Variants in SHPRH observed in about 807,000 individuals in gnomAD.
SHPRH encodes the protein E3 ubiquitin-protein ligase SHPRH.
In SHPRH, 106 loss-of-function variants were observed where a neutral mutation model predicts 202.5. The observed-to-expected ratio is 0.52, with a 90% CI of 0.45 to 0.62. SHPRH has a LOEUF of 0.62. SHPRH is among the 20% of genes least tolerant of loss of function. The probability of loss-of-function intolerance (pLI) is 0.00; values close to 1 mark genes in which losing one functional copy is unlikely to be tolerated. For synonymous variants in SHPRH, 729 were observed against 686.0 expected (o/e 1.06, Z -0.98); for missense variants, 1,710 against 2,020.0 (o/e 0.85, Z 2.94).
At chr6:145,962,717 C>A (rs180672389) in intron 1 of SHPRH, among the ~76,000 whole-genome samples, 3 of 151,932 alleles carry the variant, frequency 2.0e-5, no homozygotes, top group Admixed American at 2.0e-4. Context: ...CTATTAAGGG[C>A]AAAAAGGATT....
downstream of SHPRH, among the ~76,000 whole-genome samples, chr6:145,863,907 A>G (rs1779660735): frequency 6.6e-6 from 1 of 152,254 alleles, no homozygotes; most frequent in Non-Finnish European, 1.5e-5. Context: ...ATGATTATTC[A>G]TAGTGTATTA....
chr6:145,958,479 T>A (rs991023604), intron 1 of SHPRH, among the ~76,000 whole-genome samples: 1 of 151,758 alleles, frequency 6.6e-6, no homozygotes, highest in African/African-American at 2.4e-5. Flanking sequence ...AGAAGGAAAA[T>A]ATGAATAGAC....
At chr6:145,941,136 A>G (rs1786727103) in intron 10 of SHPRH, among the ~76,000 whole-genome samples, 1 of 152,194 alleles carries the variant, frequency 6.6e-6, no homozygotes, top group Non-Finnish European at 1.5e-5. Context: ...TGATTCATAC[A>G]TTCAGTTCAG....
Position 145,922,637 on chromosome 6 carries a change from A to T in SHPRH, c.3719+26T>A, listed in dbSNP as rs1784520143. The T allele has an allele frequency of 1.9e-6, 3 of 1,565,952 alleles. No individual in the cohort carries two copies. In the South Asian group the frequency reaches 3.6e-5, roughly 19 times the overall value. On this transcript the variant is annotated intron_variant, in intron 19 of 29. Coordinates refer to ENST00000275233, the MANE Select transcript of SHPRH (RefSeq NM_001042683.3). ...TAGCTTAAAGAAATGGTACCATTTC[A>T]TTGTATGATTTCTTCTATTACCTAC...
chr6:145,934,335 A>G (rs1785807419), intron 13 of SHPRH, among the ~76,000 whole-genome samples: 1 of 151,856 alleles, frequency 6.6e-6, no homozygotes, highest in South Asian at 2.1e-4. Flanking sequence ...GCTTGGTGGC[A>G]CATGTCTGTA....
intron 25 of SHPRH, among the ~76,000 whole-genome samples, chr6:145,899,450 C>T (rs1782301855): frequency 6.6e-6 from 1 of 152,084 alleles, no homozygotes; most frequent in Admixed American, 6.6e-5. Flanking sequence ...AAAAAACAGT[C>T]TCTTCAATAA....
chr6:145,934,777 C>A, intron 13 of SHPRH, 130 bp downstream of exon 13: 1 of 825,144 alleles, frequency 1.2e-6, no homozygotes, highest in Admixed American at 2.6e-5. Context: ...GCTTCCATAC[C>A]AAAGAAAACC....
At chr6:145,947,797 A>G (rs767693923) in intron 5 of SHPRH, among the ~76,000 whole-genome samples, 154 bp from the exon 6 acceptor site, 4 of 152,226 alleles carry the variant, frequency 2.6e-5, no homozygotes, top group Non-Finnish European at 4.4e-5. Flanking sequence ...ACCTTAGATT[A>G]CAAACATTAG....
intron 20 of SHPRH, among the ~76,000 whole-genome samples, chr6:145,921,732 C>A (rs1161683189): frequency 6.6e-6 from 1 of 151,740 alleles, no homozygotes. Context: ...AGAATTTGGA[C>A]AGAAACATGA....
Position 145,935,179 on chromosome 6 carries a change from GA to G in SHPRH, c.2734-17del, listed in dbSNP as rs200288193. 0.045 allele frequency: 49,276 copies of G among 1,095,428 alleles called. 31 individuals carry two copies. Among genetic ancestry groups the G allele is most frequent in the East Asian group, 0.13 (3,997 of 31,930 alleles). The allele number at this position is 1,095,428 out of a possible 1,614,324, so 67.9% of individuals were successfully genotyped here. On this transcript the variant is annotated splice_polypyrimidine_tract_variant and intron_variant, in intron 12 of 29. Coordinates refer to ENST00000275233, the MANE Select transcript of SHPRH (RefSeq NM_001042683.3). ...GTATTTGGATCTGTGAAAAGGAGCA[GA>G]AAAAAAAAAAAAGATATCATCTAAA...
chr6:145,937,981 T>C (rs1188154038), intron 11 of SHPRH, among the ~76,000 whole-genome samples: 2 of 152,210 alleles, frequency 1.3e-5, no homozygotes, highest in Non-Finnish European at 2.9e-5. Context: ...TTTATCTAAG[T>C]ATTTAAGAAA....
rs764272967 is a variant in SHPRH at position 145,945,494 on chromosome 6, A to C, written c.1465T>G (p.Cys489Gly). 11 of 1,613,218 alleles carry C rather than the reference A, an allele frequency of 6.8e-6. No homozygotes were observed. Among genetic ancestry groups the C allele is most frequent in the African/African-American group, 1.3e-5 (1 of 74,868 alleles). ...TTCACGAGACCTTCAAAAATTAAAC[A>C]TTTCAGCATCCGTTTCAAAAGACTC... ...NRSLLKRMLK[C>G]LIFEGLVKQI... Residue 489 changes from cysteine (C) to glycine (G), a missense_variant, in exon 8 of 30, where the codon TGT becomes GGT. Transcript: ENST00000275233.
chr6:145,875,601 C>T (rs1435611043), intron 2 of SHPRH, among the ~76,000 whole-genome samples: 1 of 152,164 alleles, frequency 6.6e-6, no homozygotes, highest in Non-Finnish European at 1.5e-5. Flanking sequence ...AGTTGGAAGA[C>T]CATTTGATTC....
intron 3 of SHPRH, among the ~76,000 whole-genome samples, chr6:145,951,607 A>C (rs1452264836): frequency 6.6e-6 from 1 of 152,104 alleles, no homozygotes; most frequent in East Asian, 1.9e-4. Flanking sequence ...CATTCCTTCT[A>C]ATCCCGAAAC....
chr6:145,940,782 C>T lies in SHPRH; in HGVS notation c.2510G>A (p.Arg837His), dbSNP rs201908105. Residue 837 changes from arginine to histidine, a missense_variant, in exon 11 of 30, where the codon CGT becomes CAT. Physicochemically the swap from Arg to His is conservative, Grantham distance 29. Transcript: ENST00000275233. ...ACACCATCGATTAATCCCACTCAAA[C>T]GCTGGGCCATTTCTGCAGCCTGATG... ...PTVKAAEMAQ[R>H]LSGINRWCIS... The T allele has an allele frequency of 6.2e-6, 10 of 1,613,718 alleles. No individual in the cohort carries two copies. Among genetic ancestry groups the T allele is most frequent in the East Asian group, 2.2e-5 (1 of 44,860 alleles).
chr6:145,884,887 T>C lies in SHPRH; in HGVS notation c.*1804A>G, dbSNP rs1394765415. 6.6e-6 allele frequency: 1 copy of C among 152,076 alleles called. No individual in the cohort carries two copies. The highest frequency in any genetic ancestry group is 1.5e-5 in the Non-Finnish European group (1 of 67,996). The allele number at this position is 152,076 out of a possible 1,614,324, so 9.4% of individuals were successfully genotyped here. On this transcript the variant is annotated 3_prime_UTR_variant, in exon 30 of 30. Coordinates refer to ENST00000275233, the MANE Select transcript of SHPRH (RefSeq NM_001042683.3). ...ACAGTTTTTGTCTAATACAGATAGG[T>C]TTTTTTATATATATGTAATTTGATT...
Position 145,919,347 on chromosome 6 carries a change from C to A in SHPRH, c.4152+1G>T. 1 of 1,612,378 alleles carries A rather than the reference C, an allele frequency of 6.2e-7. No homozygotes were observed. The highest frequency in any genetic ancestry group is 8.5e-7 in the Non-Finnish European group (1 of 1,178,978). On this transcript the variant is annotated splice_donor_variant, in intron 22 of 29. Coordinates refer to ENST00000275233, the MANE Select transcript of SHPRH (RefSeq NM_001042683.3). LOFTEE classifies it high-confidence loss of function. ...TTTTCTGTGATTTACTTGCCAATTA[C>A]CTCATGTGGTTCAATGATATGAAGA... is the stretch of plus-strand genomic sequence containing the variant.
chr6:145,861,114 A>C (rs1242355884), downstream of SHPRH, among the ~76,000 whole-genome samples: 1 of 152,170 alleles, frequency 6.6e-6, no homozygotes, highest in African/African-American at 2.4e-5. Context: ...GGTAAAAAAC[A>C]AAAAATAAAC....
In SHPRH at chr6:145,922,813, T is replaced by G; in HGVS notation, c.3569A>C (p.Gln1190Pro). 1 of 1,611,098 alleles carries G rather than the reference T, an allele frequency of 6.2e-7. No homozygotes were observed. The highest frequency in any genetic ancestry group is 8.5e-7 in the Non-Finnish European group (1 of 1,178,262). The change falls in exon 19 of 30, where the codon CAG becomes CCG. Residue 1190 changes from glutamine (Q) to proline (P), a missense_variant. Coordinates refer to ENST00000275233, the MANE Select transcript of SHPRH (RefSeq NM_001042683.3). ...TTCCATTTGTGTTGTAAGTAAGAACTGAAGACCTCTGCAATCACGGAACCT... is the reference window on the plus strand; with the variant it reads ...TTCCATTTGTGTTGTAAGTAAGAACGGAAGACCTCTGCAATCACGGAACCT... ...SEKFRDCRGL[Q>P]FLLTTQMEEL...
Sources: gnomAD v4.1 joint callset for allele counts (sites outside exome capture counted in the v4.1 genomes callset) on GRCh38, gnomAD v4.1.1 for gene constraint, MANE v1.5 for transcripts, NCBI Gene and HGNC (gene_info 2026-07-23, HGNC 2026-07-21) for gene names.